The following INCENP variants were observed in gnomAD, a reference collection of about 807,000 sequenced individuals.
INCENP encodes inner centromere protein.
A neutral mutation model predicts 107.3 loss-of-function variants in INCENP; 43 were observed. That is an observed-to-expected ratio of 0.40 (90% CI 0.31 to 0.52). The LOEUF (loss-of-function observed/expected upper bound fraction) is 0.52. Among genes scored for constraint, INCENP ranks in the 20% least tolerant of loss-of-function variants. The pLI, the probability that INCENP is intolerant of heterozygous loss-of-function variation, is 0.53. For missense variants in INCENP, 1,089 were observed against 1,250.9 expected, an observed-to-expected ratio of 0.87 and a Z score of 1.95; for synonymous variants, 488 against 494.4, an observed-to-expected ratio of 0.99 and a Z score of 0.17.
chr11:62,133,577 T>C (rs1341528148), intron 4 of INCENP, among the ~76,000 whole-genome samples: 3 of 152,170 alleles, frequency 2.0e-5, no homozygotes, highest in Non-Finnish European at 4.4e-5. Flanking sequence ...CTTAGGCCAC[T>C]TCCCTACCAC....
At chr11:62,136,424 G>A (rs906861908) in intron 4 of INCENP, among the ~76,000 whole-genome samples, 4 of 152,080 alleles carry the variant, frequency 2.6e-5, no homozygotes, top group Non-Finnish European at 4.4e-5. Flanking sequence ...GCTCACGCCT[G>A]TAATCCCAGC....
chr11:62,149,272 C>T (rs1458262511), intron 17 of INCENP, among the ~76,000 whole-genome samples: 1 of 151,776 alleles, frequency 6.6e-6, no homozygotes, highest in Non-Finnish European at 1.5e-5. Context: ...TTTTTTTTCA[C>T]TTAGTATATT....
Position 62,128,263 on chromosome 11 carries a change from T to C in INCENP, c.102T>C (p.Leu34=), listed in dbSNP as rs1943800213. ...CNMDNKDLVW[L]EEIQEEAERM... is the part of the protein sequence containing the mutation. ...TGGATAATAAGGACTTGGTGTGGCTTGAGGAAATCCAAGAGGAGGCCGAGC... is the reference window on the plus strand; with the variant it reads ...TGGATAATAAGGACTTGGTGTGGCTCGAGGAAATCCAAGAGGAGGCCGAGC... The change falls in exon 2 of 19, where the codon CTT becomes CTC. Residue 34 remains leucine, a synonymous_variant. Transcript: ENST00000394818. The C allele has an allele frequency of 6.2e-7, 1 of 1,614,104 alleles. No homozygotes were observed. The highest frequency in any genetic ancestry group is 8.5e-7 in the Non-Finnish European group (1 of 1,179,998).
chr11:62,130,360 G>A lies in INCENP; in HGVS notation c.833G>A (p.Arg278Gln), dbSNP rs77555538. 256 of 1,612,288 alleles carry A rather than the reference G, an allele frequency of 1.6e-4. No individual in the cohort carries two copies. The African/African-American group carries it at 2.9e-3, about 18-fold the overall frequency. ...DSPAFPDSPW[R>Q]ERVLAPILPD... ...CCAGCCTTTCCAGATTCTCCATGGC[G>A]GGAGCGGGTGCTGGCTCCCATCCTG... is the stretch of plus-strand genomic sequence containing the variant. The change falls in exon 4 of 19, where the codon CGG (arginine) becomes CAG (glutamine). Residue 278 changes from arginine (R) to glutamine (Q), a missense_variant. Arg to Gln is a conservative substitution (Grantham distance 43). Coordinates refer to ENST00000394818, the MANE Select transcript of INCENP (RefSeq NM_001040694.2).
In INCENP at chr11:62,130,350, T is replaced by G; in HGVS notation, c.823T>G (p.Ser275Ala). ...ACGGGACTCGCCAGCCTTTCCAGAT[T>G]CTCCATGGCGGGAGCGGGTGCTGGC... Reference protein sequence around the residue: ...GPRDSPAFPDSPWRERVLAPI... With the variant: ...GPRDSPAFPDAPWRERVLAPI... The change falls in exon 4 of 19, where the codon TCT (serine) becomes GCT (alanine). Residue 275 changes from serine (S) to alanine (A), a missense_variant. Ser to Ala is a moderately conservative substitution (Grantham distance 99). Coordinates refer to ENST00000394818, the MANE Select transcript of INCENP (RefSeq NM_001040694.2). 1 of 1,612,226 alleles carries G rather than the reference T, an allele frequency of 6.2e-7. No homozygotes were observed. The highest frequency in any genetic ancestry group is 8.5e-7 in the Non-Finnish European group (1 of 1,179,956).
At position 62,145,613 on chromosome 11, in the gene INCENP, TGGGTG is replaced by T. The variant is rs1243473723; in HGVS notation, c.1837-13_1837-9del. The T allele has an allele frequency of 6.3e-7, 1 of 1,590,484 alleles. No individual in the cohort carries two copies. Among genetic ancestry groups the T allele is most frequent in the African/African-American group, 1.3e-5 (1 of 74,350 alleles). ...ATGTGGGTGCTCCAATGGGCATGTG[TGGGTG>T]GGCTCTGCAGGCCAAGGAGGAGCGG... On this transcript the variant is annotated splice_polypyrimidine_tract_variant and intron_variant, in intron 13 of 18. Coordinates refer to ENST00000394818, the MANE Select transcript of INCENP (RefSeq NM_001040694.2).
At chr11:62,140,857 C>T (rs768731707) in intron 9 of INCENP, 36 bp downstream of exon 9, 5 of 1,613,704 alleles carry the variant, frequency 3.1e-6, no homozygotes, top group Admixed American at 3.3e-5. Flanking sequence ...GGAGCCCTGA[C>T]CCCCTTCAGT....
Position 62,145,180 on chromosome 11 carries a change from A to T in INCENP, c.1727A>T (p.Glu576Val). The T allele has an allele frequency of 1.2e-6, 2 of 1,614,140 alleles. No individual in the cohort carries two copies. Among genetic ancestry groups the T allele is most frequent in the Non-Finnish European group, 1.7e-6 (2 of 1,180,032 alleles). The change falls in exon 13 of 19, where the codon GAA becomes GTA. Residue 576 changes from glutamate to valine, a missense_variant. Physicochemically the swap from Glu to Val is moderately radical, Grantham distance 121. Coordinates refer to ENST00000394818, the MANE Select transcript of INCENP (RefSeq NM_001040694.2). Reference sequence around the variant, plus strand: ...CCTATGCCCCGCAGGAAGCGTGAGGAACGCCTCCGCAAGGTGCTGCAGGCC... The same window carrying T: ...CCTATGCCCCGCAGGAAGCGTGAGGTACGCCTCCGCAAGGTGCTGCAGGCC... ...RLEEVKLKRE[E>V]RLRKVLQARE...
At position 62,137,895 on chromosome 11, in the gene INCENP, T is replaced by G. The variant is rs764611485; in HGVS notation, c.1115+12T>G. 5 of 1,613,022 alleles carry G rather than the reference T, an allele frequency of 3.1e-6. No individual in the cohort carries two copies. The African/African-American group carries it at 6.7e-5, about 22-fold the overall frequency. ...CCCCAGAAAGTTGGGTGAGTTCAGT[T>G]CCAGGGCTTCGGAGGTAGGCAGGGC... On this transcript the variant is annotated intron_variant, in intron 5 of 18. Coordinates refer to ENST00000394818, the MANE Select transcript of INCENP (RefSeq NM_001040694.2).
At chr11:62,133,515 C>G (rs11230920) in intron 4 of INCENP, among the ~76,000 whole-genome samples, 1 of 152,070 alleles carries the variant, frequency 6.6e-6, no homozygotes, top group Non-Finnish European at 1.5e-5. Context: ...CACCTTGGGG[C>G]GTTCGAGCCA....
At chr11:62,125,817 G>A (rs1943736775) in intron 1 of INCENP, among the ~76,000 whole-genome samples, 1 of 152,210 alleles carries the variant, frequency 6.6e-6, no homozygotes, top group Non-Finnish European at 1.5e-5. Context: ...GACAGACAGG[G>A]GTTTGCCCTC....
chr11:62,126,116 C>A (rs535865601), intron 1 of INCENP, among the ~76,000 whole-genome samples: 3 of 152,144 alleles, frequency 2.0e-5, no homozygotes, highest in South Asian at 4.1e-4. Context: ...CCTGGTGCTA[C>A]GCCCTGTGAG....
intron 3 of INCENP, among the ~76,000 whole-genome samples, chr11:62,129,496 G>A (rs1389576088): frequency 6.6e-6 from 1 of 152,182 alleles, no homozygotes; most frequent in Non-Finnish European, 1.5e-5. Flanking sequence ...GCAGGGGCTC[G>A]GTGTGGTGTA....
At chr11:62,139,141 G>A in intron 7 of INCENP, 136 bp downstream of exon 7, 2 of 657,262 alleles carry the variant, frequency 3.0e-6, no homozygotes, top group South Asian at 1.7e-5. Flanking sequence ...AAACCTGGGG[G>A]TGCAGAGATC....
At chr11:62,124,617 C>T (rs764228452) in intron 1 of INCENP, among the ~76,000 whole-genome samples, 5 of 152,232 alleles carry the variant, frequency 3.3e-5, no homozygotes, top group Non-Finnish European at 7.3e-5. Context: ...CTCCCCAAGC[C>T]TGTTCGCTGT....
chr11:62,151,316 T>C (rs1184742055), intron 18 of INCENP, among the ~76,000 whole-genome samples: 2 of 152,150 alleles, frequency 1.3e-5, no homozygotes, highest in African/African-American at 2.4e-5. Context: ...AGAGGCCCCC[T>C]CAGCACTGCA....
chr11:62,143,191 C>T (rs144092760), intron 11 of INCENP, among the ~76,000 whole-genome samples: 5 of 94,826 alleles, frequency 5.3e-5, no homozygotes, highest in South Asian at 5.5e-4. Context: ...GCTCCTCCCT[C>T]GAATTTTGAC....
chr11:62,129,550 C>T (rs1340905395), intron 3 of INCENP, among the ~76,000 whole-genome samples: 1 of 152,196 alleles, frequency 6.6e-6, no homozygotes, highest in Non-Finnish European at 1.5e-5. Flanking sequence ...TCTTCCTAGC[C>T]AGTTCTGTGC....
rs1944340615 is a variant in INCENP at position 62,150,079 on chromosome 11, A to G, written c.2414A>G (p.Gln805Arg). ...DVQSPACTSY[Q>R]MTPQGHRAPP... is the part of the protein sequence containing the mutation. ...CAGTCTCCAGCTTGTACCTCATATC[A>G]GATGACTCCGCAAGGGCACAGGGCC... The change falls in exon 18 of 19, where the codon CAG becomes CGG. Residue 805 changes from glutamine to arginine, a missense_variant. Transcript: ENST00000394818. 6.2e-7 allele frequency: 1 copy of G among 1,613,938 alleles called. No homozygotes were observed. The highest frequency in any genetic ancestry group is 1.1e-5 in the South Asian group (1 of 91,084).
Sources: allele counts gnomAD v4.1 joint callset (sites outside exome capture counted in the v4.1 genomes callset), GRCh38; gene constraint gnomAD v4.1.1; transcripts MANE v1.5; gene names NCBI Gene and HGNC (gene_info 2026-07-23, HGNC 2026-07-21).